RAB3C: variants seen among roughly 807,000 people sequenced by gnomAD.
The protein encoded by RAB3C is ras-related protein Rab-3C.
Under a neutral mutation model 26.4 loss-of-function variants are expected in RAB3C, and 17 were observed. The ratio of observed to expected loss-of-function variants is 0.64; its 90% CI spans 0.44 to 0.97. The LOEUF (loss-of-function observed/expected upper bound fraction) is 0.97. Ranked by LOEUF, RAB3C falls within the 50% of genes least tolerant of loss-of-function variation. The pLI, the probability that RAB3C is intolerant of heterozygous loss-of-function variation, is 0.00. For missense variants in RAB3C, 242 were observed against 281.9 expected (o/e 0.86, Z 1.01); for synonymous variants, 91 against 95.9 (o/e 0.95, Z 0.30).
chr5:58,645,309 C>A (rs1037323880), intron 2 of RAB3C, among the ~76,000 whole-genome samples: 1 of 152,200 alleles, frequency 6.6e-6, no homozygotes, highest in Non-Finnish European at 1.5e-5. Context: ...TTGTACCTCT[C>A]CTAAATGAAT....
At chr5:58,726,790 C>G (rs10514876) in intron 3 of RAB3C, among the ~76,000 whole-genome samples, 18,965 of 151,938 alleles carry the variant, frequency 0.12, 1,536 homozygotes, top group Non-Finnish European at 0.18. Flanking sequence ...ACTTCTGACC[C>G]TGATGAGTGT....
At chr5:58,777,144 C>G (rs1012145859) in intron 3 of RAB3C, among the ~76,000 whole-genome samples, 2 of 152,028 alleles carry the variant, frequency 1.3e-5, no homozygotes, top group African/African-American at 2.4e-5. Flanking sequence ...CTTTGCAATC[C>G]CTATCCTTGT....
At chr5:58,748,593 GGTGT>G (rs146847636) in intron 3 of RAB3C, among the ~76,000 whole-genome samples, 1 of 150,086 alleles carries the variant, frequency 6.7e-6, no homozygotes, top group African/African-American at 2.4e-5. Flanking sequence ...AAGTCCCATG[GGTGT>G]GTGTGTGTGT....
chr5:58,631,321 GTT>G (rs1747180066), intron 2 of RAB3C, among the ~76,000 whole-genome samples: 1 of 152,080 alleles, frequency 6.6e-6, no homozygotes, highest in Non-Finnish European at 1.5e-5. Flanking sequence ...AAGCCATTGG[GTT>G]TTCTGGCAAA....
At chr5:58,722,161 G>A (rs1252502122) in intron 2 of RAB3C, among the ~76,000 whole-genome samples, 1 of 151,790 alleles carries the variant, frequency 6.6e-6, no homozygotes, top group Non-Finnish European at 1.5e-5. Context: ...AACATCTTAT[G>A]AAAATGGGAC....
At chr5:58,826,139 T>C (rs1404763440) in intron 4 of RAB3C, among the ~76,000 whole-genome samples, 1 of 151,406 alleles carries the variant, frequency 6.6e-6, no homozygotes, top group Non-Finnish European at 1.5e-5. Flanking sequence ...TGGAGTGTGA[T>C]GGGAGGAAGA....
chr5:58,723,746 G>T (rs898415023), intron 2 of RAB3C, among the ~76,000 whole-genome samples: 8 of 151,754 alleles, frequency 5.3e-5, no homozygotes, highest in African/African-American at 1.9e-4. Context: ...TTGCCTCCAA[G>T]GCCTGTTAAA....
intron 2 of RAB3C, among the ~76,000 whole-genome samples, chr5:58,655,789 C>T (rs939127910): frequency 1.1e-5 from 1 of 91,644 alleles, no homozygotes; most frequent in Non-Finnish European, 2.0e-5. Context: ...AAACCTAACT[C>T]TTTTTTTTTT....
At position 58,619,689 on chromosome 5, in the gene RAB3C, T is replaced by C. The variant is rs16888286; in HGVS notation, c.252+1819T>C. On this transcript the variant is annotated intron_variant, in intron 2 of 4. Transcript: ENST00000282878. Reference sequence around the variant, plus strand: ...AGCATGGTGTGTTAAGCCAGTCTTATAATTTCTGGCAAATTTTCAGTGTAG... The same window carrying C: ...AGCATGGTGTGTTAAGCCAGTCTTACAATTTCTGGCAAATTTTCAGTGTAG... 6.9e-3 allele frequency among the ~76,000 whole-genome samples: 1,046 copies of C among 152,330 alleles called. 20 individuals carry two copies. The highest frequency in any genetic ancestry group is 0.023 in the African/African-American group (971 of 41,578).
intron 3 of RAB3C, among the ~76,000 whole-genome samples, chr5:58,745,120 G>T (rs973763245): frequency 2.0e-5 from 3 of 151,868 alleles, no homozygotes; most frequent in Non-Finnish European, 2.9e-5. Context: ...GATGGGGGCC[G>T]GGCGCGGTGG....
chr5:58,744,192 T>C (rs1010167222), intron 3 of RAB3C, among the ~76,000 whole-genome samples: 3 of 152,218 alleles, frequency 2.0e-5, no homozygotes, highest in Non-Finnish European at 2.9e-5. Context: ...GGGTTTGTTG[T>C]AGACATTGTC....
chr5:58,807,035 C>T (rs890812585), intron 3 of RAB3C, among the ~76,000 whole-genome samples: 8 of 152,192 alleles, frequency 5.3e-5, no homozygotes, highest in Non-Finnish European at 1.0e-4. Flanking sequence ...ATTTTCTAAG[C>T]AACCAGAATC....
At chr5:58,597,217 TTATATAA>T (rs1746329353) in intron 1 of RAB3C, among the ~76,000 whole-genome samples, 1 of 111,670 alleles carries the variant, frequency 9.0e-6, no homozygotes, top group Non-Finnish European at 1.7e-5. Flanking sequence ...TACATAAATA[TTATATAA>T]TATATACTAC....
At chr5:58,829,824 TA>T (rs1454117956) in intron 4 of RAB3C, among the ~76,000 whole-genome samples, 1 of 152,166 alleles carries the variant, frequency 6.6e-6, no homozygotes, top group East Asian at 1.9e-4. Flanking sequence ...AAGTACAAAA[TA>T]TTCTTATATT....
intron 2 of RAB3C, among the ~76,000 whole-genome samples, chr5:58,715,616 G>T (rs1749154652): frequency 6.6e-6 from 1 of 152,108 alleles, no homozygotes; most frequent in Admixed American, 6.6e-5. Flanking sequence ...CGAGATATCT[G>T]TGTGTCCCAT....
intron 2 of RAB3C, among the ~76,000 whole-genome samples, chr5:58,693,336 GTATATATATATA>G: frequency 8.9e-6 from 1 of 111,744 alleles, no homozygotes; most frequent in African/African-American, 3.7e-5. Flanking sequence ...ATATATATGT[GTATATATATATA>G]TATATATATA....
At chr5:58,639,582 C>A (rs563259359) in intron 2 of RAB3C, among the ~76,000 whole-genome samples, 1 of 152,260 alleles carries the variant, frequency 6.6e-6, no homozygotes, top group African/African-American at 2.4e-5. Flanking sequence ...TGGGGACCAC[C>A]TCCTCATGAC....
rs1382354284 is a variant in RAB3C, at chr5:58,780,881, ATTTC to A, written c.372-44151_372-44148del. Among the ~76,000 whole-genome samples, 5 of 151,996 alleles carry A rather than the reference ATTTC, an allele frequency of 3.3e-5. No individual in the cohort carries two copies. In the East Asian group the frequency reaches 9.7e-4, roughly 29 times the overall value. ...TATTAAATATATCATAGTAGTCACA[ATTTC>A]TTTCTCCATTGTAAAGAACTTGTGA... On this transcript the variant is annotated intron_variant, in intron 3 of 4. Coordinates refer to ENST00000282878, the MANE Select transcript of RAB3C (RefSeq NM_138453.4).
chr5:58,752,892 A>C (rs1038806406), intron 3 of RAB3C, among the ~76,000 whole-genome samples: 5 of 152,180 alleles, frequency 3.3e-5, no homozygotes, highest in Admixed American at 2.6e-4. Context: ...GTTATTGATG[A>C]TCTAACTACT....
Sources: allele counts gnomAD v4.1 joint callset (sites outside exome capture counted in the v4.1 genomes callset), GRCh38; gene constraint gnomAD v4.1.1; transcripts MANE v1.5; gene names NCBI Gene and HGNC (gene_info 2026-07-23, HGNC 2026-07-21).